Variants in STPG2 observed in about 807,000 individuals in gnomAD.
STPG2 encodes sperm-tail PG-rich repeat-containing protein 2.
STPG2 carries 56 observed loss-of-function variants against 54.2 expected under a neutral mutation model. That is an observed-to-expected ratio of 1.03 (90% CI 0.83 to 1.29). The LOEUF (loss-of-function observed/expected upper bound fraction) is 1.29, where lower values mean the gene tolerates loss of function less well. Ranked by LOEUF, STPG2 falls within the 50% of genes most tolerant of loss-of-function variation. The pLI is 0.00. For synonymous variants in STPG2, 200 were observed against 181.8 expected (o/e 1.10, Z -0.81); for missense variants, 596 against 544.9 (o/e 1.09, Z -0.93).
At chr4:97,518,560 T>C (rs1340774677) in intron 4 of STPG2, among the ~76,000 whole-genome samples, 1 of 152,082 alleles carries the variant, frequency 6.6e-6, no homozygotes, top group African/African-American at 2.4e-5. Context: ...TCAAAAATAA[T>C]TTCATCTTTG....
chr4:97,955,278 G>A (rs781476559), intron 7 of STPG2, among the ~76,000 whole-genome samples: 35 of 149,054 alleles, frequency 2.3e-4, no homozygotes, highest in Non-Finnish European at 2.7e-4. Context: ...GCAGTGGCAC[G>A]ATCTCGGCTC....
At chr4:97,966,869 T>G (rs1409766560) in intron 7 of STPG2, among the ~76,000 whole-genome samples, 1 of 152,150 alleles carries the variant, frequency 6.6e-6, no homozygotes, top group Admixed American at 6.5e-5. Context: ...GCACTAACCA[T>G]GGAAACAAAT....
At chr4:97,752,757 G>T (rs1477743467) in intron 9 of STPG2, among the ~76,000 whole-genome samples, 1 of 151,780 alleles carries the variant, frequency 6.6e-6, no homozygotes, top group African/African-American at 2.4e-5. Flanking sequence ...CCCTCGCCAA[G>T]ATTTAATTTC....
intron 4 of STPG2, among the ~76,000 whole-genome samples, chr4:97,474,319 AT>A (rs1029500776): frequency 9.9e-5 from 15 of 152,148 alleles, no homozygotes; most frequent in African/African-American, 3.4e-4. Flanking sequence ...TGCATTTTCC[AT>A]TTCATTGTTA....
At chr4:97,896,282 CAT>C (rs1730950961) in intron 8 of STPG2, among the ~76,000 whole-genome samples, 1 of 151,658 alleles carries the variant, frequency 6.6e-6, no homozygotes. Flanking sequence ...AATGAAGAAA[CAT>C]AGAATTAATA....
At chr4:97,600,909 G>A (rs1733441836) in intron 10 of STPG2, among the ~76,000 whole-genome samples, 1 of 151,944 alleles carries the variant, frequency 6.6e-6, no homozygotes, top group African/African-American at 2.4e-5. Flanking sequence ...TCATAAATTG[G>A]AATGCAGAGA....
intron 8 of STPG2, among the ~76,000 whole-genome samples, chr4:97,915,947 C>A (rs1291949985): frequency 6.6e-6 from 1 of 152,034 alleles, no homozygotes; most frequent in Non-Finnish European, 1.5e-5. Context: ...GTTAGAAGGT[C>A]ACTGGTGATA....
chr4:97,671,847 G>C (rs1051820495), intron 10 of STPG2, among the ~76,000 whole-genome samples: 7 of 152,028 alleles, frequency 4.6e-5, no homozygotes, highest in African/African-American at 1.7e-4. Flanking sequence ...CTCACAAAAA[G>C]AAAACCCTGA....
chr4:97,681,869 C>G (rs1013225565), intron 10 of STPG2, among the ~76,000 whole-genome samples: 1 of 151,770 alleles, frequency 6.6e-6, no homozygotes, highest in African/African-American at 2.4e-5. Flanking sequence ...GCACACAGCA[C>G]TGTTACCAGT....
chr4:98,143,388 G>C lies in STPG2; in HGVS notation c.-238C>G, dbSNP rs1740359988. ...TAGAGGGGTGAGCGACTAGAGATTA[G>C]ACGTCCCACACAATCATCAGTTTGC... On this transcript the variant is annotated 5_prime_UTR_variant, in exon 1 of 11. Transcript: ENST00000295268. 8.0e-6 allele frequency: 4 copies of C among 502,660 alleles called. No individual in the cohort carries two copies. Among genetic ancestry groups the C allele is most frequent in the Non-Finnish European group, 1.4e-5 (4 of 278,536 alleles). The allele number at this position is 502,660 out of a possible 1,614,324, so 31.1% of individuals were successfully genotyped here. A position where few individuals can be genotyped will look rare whatever the true frequency, so the allele number is the denominator to read the frequency against.
At chr4:97,681,190 G>T (rs1018751899) in intron 10 of STPG2, among the ~76,000 whole-genome samples, 1 of 151,736 alleles carries the variant, frequency 6.6e-6, no homozygotes, top group African/African-American at 2.4e-5. Flanking sequence ...AAAGTGAAAG[G>T]TCTAAGAAAA....
At chr4:97,632,286 T>G (rs905866079) in intron 10 of STPG2, among the ~76,000 whole-genome samples, 2 of 116,018 alleles carry the variant, frequency 1.7e-5, no homozygotes, top group African/African-American at 6.2e-5. Flanking sequence ...AGCTTATTGG[T>G]TTTTTTTTTT....
chr4:98,130,348 G>C (rs776780833), intron 2 of STPG2, among the ~76,000 whole-genome samples: 5 of 151,598 alleles, frequency 3.3e-5, no homozygotes, highest in Non-Finnish European at 5.9e-5. Context: ...GCTAATTTTT[G>C]TAGTTTTTTA....
intron 2 of STPG2, among the ~76,000 whole-genome samples, chr4:98,132,109 T>C (rs1740011319): frequency 6.6e-6 from 1 of 152,008 alleles, no homozygotes; most frequent in Non-Finnish European, 1.5e-5. Context: ...TTTCCTTCCT[T>C]GCCACCAGGA....
intron 7 of STPG2, among the ~76,000 whole-genome samples, chr4:97,970,844 A>G (rs937956787): frequency 2.6e-5 from 4 of 152,242 alleles, no homozygotes; most frequent in African/African-American, 9.6e-5. Flanking sequence ...TCTGCATGGC[A>G]AAAGAAACTA....
At chr4:98,097,487 A>G (rs145418938) in intron 5 of STPG2, among the ~76,000 whole-genome samples, 1 of 152,208 alleles carries the variant, frequency 6.6e-6, no homozygotes, top group Non-Finnish European at 1.5e-5. Flanking sequence ...TCAACATAGT[A>G]AAAGCCATAT....
intron 9 of STPG2, among the ~76,000 whole-genome samples, chr4:97,810,379 G>A (rs867533182): frequency 3.5e-4 from 53 of 150,998 alleles, no homozygotes; most frequent in Middle Eastern, 3.5e-3. Context: ...CAGGAGAATC[G>A]CTTGAACCCG....
At chr4:98,126,593 C>T (rs530648712) in intron 3 of STPG2, among the ~76,000 whole-genome samples, 53 of 152,264 alleles carry the variant, frequency 3.5e-4, no homozygotes, top group Admixed American at 5.9e-4. Flanking sequence ...CTAGTCAGTC[C>T]CAATGAGAGA....
chr4:97,753,602 G>A (rs1016289370), intron 9 of STPG2, among the ~76,000 whole-genome samples: 2 of 151,978 alleles, frequency 1.3e-5, no homozygotes, highest in African/African-American at 4.8e-5. Context: ...GCTGAGACAT[G>A]TGGTAGTTCT....
Sources: allele counts gnomAD v4.1 joint callset (sites outside exome capture counted in the v4.1 genomes callset), GRCh38; gene constraint gnomAD v4.1.1; transcripts MANE v1.5; gene names NCBI Gene and HGNC (gene_info 2026-07-23, HGNC 2026-07-21).